Variants in ISCA1 observed in about 807,000 individuals in gnomAD.
ISCA1 encodes the protein iron-sulfur cluster assembly 1 homolog, mitochondrial.
A neutral mutation model predicts 14.7 loss-of-function variants in ISCA1; 9 were observed. The ratio of observed to expected loss-of-function variants is 0.61; its 90% CI spans 0.37 to 1.07. The LOEUF (loss-of-function observed/expected upper bound fraction) is 1.07. ISCA1 is among the 50% of genes least tolerant of loss of function. The pLI, the probability that ISCA1 is intolerant of heterozygous loss-of-function variation, is 0.01. For synonymous variants in ISCA1, 38 were observed against 54.3 expected, an observed-to-expected ratio of 0.70 and a Z score of 1.32; for missense variants, 102 against 150.1, an observed-to-expected ratio of 0.68 and a Z score of 1.67.
In ISCA1 at chr9:86,282,513, C is replaced by A; in HGVS notation, c.-55G>T. 6.5e-7 allele frequency: 1 copy of A among 1,549,722 alleles called. No homozygotes were observed. The highest frequency in any genetic ancestry group is 2.4e-5 in the East Asian group (1 of 40,900). On this transcript the variant is annotated 5_prime_UTR_variant, in exon 1 of 4. The change creates a premature stop within an existing upstream ORF in the 5' untranslated region. Transcript: ENST00000375991. ...GGCCGAAGGTCGGCCGCCTCAGCTTCTCTCCATGGACACGGCGGGCGCATT... is the reference window on the plus strand; with the variant it reads ...GGCCGAAGGTCGGCCGCCTCAGCTTATCTCCATGGACACGGCGGGCGCATT...
chr9:86,276,169 C>T (rs954120419), intron 1 of ISCA1, among the ~76,000 whole-genome samples: 1 of 151,418 alleles, frequency 6.6e-6, no homozygotes, highest in Admixed American at 6.6e-5. Context: ...TGATGAGAGA[C>T]AGTGACAGAT....
intron 3 of ISCA1, among the ~76,000 whole-genome samples, chr9:86,268,948 C>A (rs1036078108): frequency 4.0e-5 from 6 of 151,532 alleles, no homozygotes; most frequent in African/African-American, 1.5e-4. Context: ...GCGTGTGCCA[C>A]CACACCCAGT....
intron 1 of ISCA1, among the ~76,000 whole-genome samples, chr9:86,278,561 T>G (rs1825469922): frequency 6.6e-6 from 1 of 151,966 alleles, no homozygotes; most frequent in African/African-American, 2.4e-5. Flanking sequence ...TCCCAGTTAC[T>G]TGGGAGGCTG....
At chr9:86,270,616 T>C (rs1203791366) in intron 3 of ISCA1, among the ~76,000 whole-genome samples, 3 of 151,986 alleles carry the variant, frequency 2.0e-5, no homozygotes, top group Admixed American at 6.6e-5. Flanking sequence ...GGACTACAAA[T>C]CATGCTGCTA....
At chr9:86,279,637 T>G (rs1439623309) in intron 1 of ISCA1, among the ~76,000 whole-genome samples, 1 of 152,256 alleles carries the variant, frequency 6.6e-6, no homozygotes, top group African/African-American at 2.4e-5. Flanking sequence ...TCAGTTTTAC[T>G]GAATTAGGTA....
intron 3 of ISCA1, chr9:86,267,840 A>AC (rs1825309031): frequency 6.4e-6 from 1 of 155,246 alleles, no homozygotes; most frequent in Admixed American, 6.5e-5. Flanking sequence ...CAAATTAAAA[A>AC]AAAAAAAAAA....
chr9:86,266,299 A>T, intron 3 of ISCA1, 108 bp from the exon 4 acceptor site: 1 of 1,462,890 alleles, frequency 6.8e-7, no homozygotes, highest in East Asian at 2.3e-5. Context: ...AAGTCAAACA[A>T]GAAGCCTTGA....
At chr9:86,275,641 A>G (rs1413756404) in intron 1 of ISCA1, among the ~76,000 whole-genome samples, 2 of 152,230 alleles carry the variant, frequency 1.3e-5, no homozygotes, top group African/African-American at 4.8e-5. Context: ...CTTTTAATTC[A>G]GTTATTAATA....
At position 86,264,728 on chromosome 9, in the gene ISCA1, C is replaced by T. The variant is rs944248846; in HGVS notation, c.*1315G>A. The T allele has an allele frequency of 7.9e-5, 12 of 152,430 alleles. No individual in the cohort carries two copies. Among genetic ancestry groups the T allele is most frequent in the East Asian group, 1.9e-4 (1 of 5,184 alleles). 9.4% of individuals were successfully genotyped at this position (152,430 alleles called of 1,614,324 possible). A position where few individuals can be genotyped will look rare whatever the true frequency, so the allele number is the denominator to read the frequency against. On this transcript the variant is annotated 3_prime_UTR_variant, in exon 4 of 4. Coordinates refer to ENST00000375991, the MANE Select transcript of ISCA1 (RefSeq NM_030940.4). Reference sequence around the variant, plus strand: ...TGTGTCAGCTACTTTAGTGAATAAACGAAACATAAAGGAACTCAGCTACTT... The same window carrying T: ...TGTGTCAGCTACTTTAGTGAATAAATGAAACATAAAGGAACTCAGCTACTT...
At chr9:86,280,456 C>T (rs1415603777) in intron 1 of ISCA1, among the ~76,000 whole-genome samples, 1 of 151,778 alleles carries the variant, frequency 6.6e-6, no homozygotes, top group African/African-American at 2.4e-5. Context: ...ATAAGCTGGG[C>T]ATGGTGGTGG....
chr9:86,275,158 T>G (rs988921931), intron 1 of ISCA1, among the ~76,000 whole-genome samples: 6 of 152,138 alleles, frequency 3.9e-5, no homozygotes, highest in Non-Finnish European at 7.4e-5. Context: ...ATTAAATATT[T>G]AAACTCATGG....
intron 3 of ISCA1, chr9:86,267,682 A>C: frequency 1.4e-6 from 1 of 703,832 alleles, no homozygotes; most frequent in Non-Finnish European, 1.7e-6. Flanking sequence ...AAAATACAAA[A>C]ATGAACCAGG....
At chr9:86,273,882 A>C (rs1052951892) in intron 2 of ISCA1, among the ~76,000 whole-genome samples, 1 of 152,216 alleles carries the variant, frequency 6.6e-6, no homozygotes, top group Non-Finnish European at 1.5e-5. Context: ...AATCTGCCCT[A>C]AAGTGTCAAC....
rs1825535570 is a variant in ISCA1 at position 86,282,491 on chromosome 9, C to G, written c.-33G>C. 6.5e-7 allele frequency: 1 copy of G among 1,549,978 alleles called. No individual in the cohort carries two copies. Among genetic ancestry groups the G allele is most frequent in the Admixed American group, 2.0e-5 (1 of 50,994 alleles). Reference sequence around the variant, plus strand: ...GTCCCGGCGCCCCGGTGCCTCGGGCCGAAGGTCGGCCGCCTCAGCTTCTCT... The same window carrying G: ...GTCCCGGCGCCCCGGTGCCTCGGGCGGAAGGTCGGCCGCCTCAGCTTCTCT... On this transcript the variant is annotated 5_prime_UTR_variant, in exon 1 of 4. Coordinates refer to ENST00000375991, the MANE Select transcript of ISCA1 (RefSeq NM_030940.4).
At chr9:86,272,633 T>C (rs573850581) in intron 2 of ISCA1, among the ~76,000 whole-genome samples, 179 of 152,312 alleles carry the variant, frequency 1.2e-3, no homozygotes, top group Non-Finnish European at 2.1e-3. Context: ...AAGTTCTCTG[T>C]CTTAGAGCTG....
rs1198677946 is a variant in ISCA1, at chr9:86,264,738, A to G, written c.*1305T>C. 1 of 152,446 alleles carries G rather than the reference A, an allele frequency of 6.6e-6. No homozygotes were observed. The highest frequency in any genetic ancestry group is 1.9e-4 in the East Asian group (1 of 5,196). The allele number at this position is 152,446 out of a possible 1,614,324, so 9.4% of individuals were successfully genotyped here. On this transcript the variant is annotated 3_prime_UTR_variant, in exon 4 of 4. Coordinates refer to ENST00000375991, the MANE Select transcript of ISCA1 (RefSeq NM_030940.4). ...ACTTTAGTGAATAAACGAAACATAAAGGAACTCAGCTACTTGAATTCATGA... is the reference window on the plus strand; with the variant it reads ...ACTTTAGTGAATAAACGAAACATAAGGGAACTCAGCTACTTGAATTCATGA...
At chr9:86,280,961 C>T (rs1320222817) in intron 1 of ISCA1, among the ~76,000 whole-genome samples, 4 of 119,820 alleles carry the variant, frequency 3.3e-5, no homozygotes, top group Admixed American at 1.5e-4. Context: ...AACAAACAAA[C>T]AAAAAACAAA....
At chr9:86,267,772 G>T in intron 3 of ISCA1, 1 of 171,512 alleles carries the variant, frequency 5.8e-6, no homozygotes. Flanking sequence ...GGTGGAGGTT[G>T]CAGCAAGCCG....
At chr9:86,272,866 T>C (rs1825388800) in intron 2 of ISCA1, among the ~76,000 whole-genome samples, 1 of 152,218 alleles carries the variant, frequency 6.6e-6, no homozygotes, top group Non-Finnish European at 1.5e-5. Context: ...TTATACTGTA[T>C]TGTTTAGAGA....
Sources: gnomAD v4.1 joint callset for allele counts (sites outside exome capture counted in the v4.1 genomes callset) on GRCh38, gnomAD v4.1.1 for gene constraint, MANE v1.5 for transcripts, NCBI Gene and HGNC (gene_info 2026-07-23, HGNC 2026-07-21) for gene names.